APBA2: variants seen among roughly 807,000 people sequenced by gnomAD.
APBA2 encodes amyloid beta precursor protein binding family A member 2, also known as amyloid-beta A4 precursor protein-binding family A member 2.
A neutral mutation model predicts 75.0 loss-of-function variants in APBA2; 30 were observed. That is an observed-to-expected ratio of 0.40 (90% CI 0.30 to 0.54). The LOEUF (loss-of-function observed/expected upper bound fraction) is 0.54. Among genes scored for constraint, APBA2 ranks in the 20% least tolerant of loss-of-function variants. The pLI, the probability that APBA2 is intolerant of heterozygous loss-of-function variation, is 0.49. For synonymous variants in APBA2, 444 were observed against 409.6 expected, an observed-to-expected ratio of 1.08 and a Z score of -1.01; for missense variants, 801 against 1,016.1, an observed-to-expected ratio of 0.79 and a Z score of 2.88.
chr15:29,113,783 T>C (rs2044878069), intron 13 of APBA2, 93 bp from the exon 14 acceptor site: 1 of 1,546,304 alleles, frequency 6.5e-7, no homozygotes, highest in East Asian at 2.3e-5. Flanking sequence ...CATGTGGCGC[T>C]TTTCCCTCTG....
intron 3 of APBA2, among the ~76,000 whole-genome samples, chr15:29,019,481 A>G (rs761562470): frequency 2.0e-5 from 3 of 152,234 alleles, no homozygotes; most frequent in Non-Finnish European, 4.4e-5. Flanking sequence ...TCCTCTCCCT[A>G]GAGAACCACT....
intron 6 of APBA2, among the ~76,000 whole-genome samples, chr15:29,077,759 A>G (rs1353199515): frequency 2.0e-5 from 3 of 152,258 alleles, no homozygotes; most frequent in African/African-American, 4.8e-5. Flanking sequence ...TTATGAAAAC[A>G]TAGAAAACTG....
intron 3 of APBA2, among the ~76,000 whole-genome samples, chr15:29,032,263 G>C (rs1038801179): frequency 5.9e-5 from 9 of 152,242 alleles, no homozygotes; most frequent in African/African-American, 2.2e-4. Context: ...TTGCTGGGAA[G>C]GTAATTTTTG....
intron 6 of APBA2, among the ~76,000 whole-genome samples, chr15:29,079,880 G>A (rs1329581600): frequency 1.3e-5 from 2 of 152,208 alleles, no homozygotes; most frequent in African/African-American, 4.8e-5. Flanking sequence ...TTGGGGCCTG[G>A]TGTCCACTCC....
rs138433405 is a variant in APBA2 at position 29,117,020 on chromosome 15, A to T, written c.2179-42A>T. 7.6e-4 allele frequency: 1,213 copies of T among 1,586,782 alleles called. 13 individuals carry two copies. The African/African-American group carries it at 0.014, about 19-fold the overall frequency. On this transcript the variant is annotated intron_variant, in intron 14 of 14. Transcript: ENST00000683413. The stretch of plus-strand genomic sequence containing the variant: ...TGCTTTCACCTGATTGTGGGAGGGG[A>T]GGTGGGAGGGCAGCGGCTCAGCCTC...
At chr15:29,037,960 C>T (rs1223956221) in intron 3 of APBA2, among the ~76,000 whole-genome samples, 1 of 152,178 alleles carries the variant, frequency 6.6e-6, no homozygotes, top group East Asian at 1.9e-4. Flanking sequence ...TCTCTTAATA[C>T]TGTTATAATG....
intron 1 of APBA2, among the ~76,000 whole-genome samples, chr15:28,912,509 T>C (rs560153784): frequency 1.4e-4 from 22 of 152,348 alleles, no homozygotes; most frequent in Admixed American, 5.9e-4. Flanking sequence ...GCTCTAGCTG[T>C]TGGCTACTTA....
chr15:28,919,167 G>T (rs2152665989), intron 1 of APBA2, among the ~76,000 whole-genome samples: 1 of 152,288 alleles, frequency 6.6e-6, no homozygotes, highest in South Asian at 2.1e-4. Flanking sequence ...GCCGGTTGTG[G>T]GGATTATCTG....
intron 2 of APBA2, among the ~76,000 whole-genome samples, chr15:28,969,237 G>A (rs1478910603): frequency 6.7e-6 from 1 of 149,572 alleles, no homozygotes; most frequent in Non-Finnish European, 1.5e-5. Context: ...GCTGGATCCA[G>A]TGGCACAATC....
chr15:29,042,673 T>C (rs772841590), intron 3 of APBA2, among the ~76,000 whole-genome samples: 3 of 152,258 alleles, frequency 2.0e-5, no homozygotes, highest in Non-Finnish European at 4.4e-5. Flanking sequence ...TTATTTTAAA[T>C]CTACACAGTA....
intron 3 of APBA2, among the ~76,000 whole-genome samples, chr15:29,013,059 G>A (rs1451164156): frequency 6.6e-6 from 1 of 152,082 alleles, no homozygotes; most frequent in East Asian, 1.9e-4. Context: ...TTCGTCAAGA[G>A]TTTCTAGTTG....
At chr15:29,064,014 G>T (rs1240063115) in intron 4 of APBA2, among the ~76,000 whole-genome samples, 4 of 152,126 alleles carry the variant, frequency 2.6e-5, no homozygotes, top group Admixed American at 6.5e-5. Context: ...TGTGGCTTGT[G>T]CCCTGCTGGA....
At chr15:29,085,793 C>G (rs1249818920) in intron 6 of APBA2, among the ~76,000 whole-genome samples, 1 of 152,114 alleles carries the variant, frequency 6.6e-6, no homozygotes, top group Non-Finnish European at 1.5e-5. Context: ...AGGTCTGGAA[C>G]CAGTTGGTTC....
intron 1 of APBA2, among the ~76,000 whole-genome samples, chr15:28,904,687 C>T (rs946517161): frequency 6.6e-6 from 1 of 152,162 alleles, no homozygotes; most frequent in Non-Finnish European, 1.5e-5. Context: ...ATCTGCAGCA[C>T]GCAGACTCCC....
At chr15:28,920,738 G>A (rs1385593019) in intron 1 of APBA2, among the ~76,000 whole-genome samples, 1 of 152,194 alleles carries the variant, frequency 6.6e-6, no homozygotes, top group Non-Finnish European at 1.5e-5. Context: ...CAGCTCCCTC[G>A]TTTGGTGTGG....
chr15:29,105,686 C>T (rs572680114), intron 11 of APBA2, 128 bp downstream of exon 11: 276 of 983,478 alleles, frequency 2.8e-4, no homozygotes, highest in African/African-American at 4.0e-4. Flanking sequence ...CAGTGGGGCC[C>T]GGAATGTGCA....
At chr15:28,894,551 G>T (rs1595396306) in intron 1 of APBA2, among the ~76,000 whole-genome samples, 1 of 152,146 alleles carries the variant, frequency 6.6e-6, no homozygotes, top group African/African-American at 2.4e-5. Context: ...CAGGCAAAGG[G>T]CCAGCCTGGA....
chr15:29,087,443 G>A (rs758307439), intron 6 of APBA2, among the ~76,000 whole-genome samples: 36 of 152,116 alleles, frequency 2.4e-4, no homozygotes, highest in Non-Finnish European at 5.9e-5. Context: ...CTCATTGGGT[G>A]TCTAAAGTTC....
intron 3 of APBA2, among the ~76,000 whole-genome samples, chr15:29,038,412 T>C (rs1328962021): frequency 1.3e-5 from 2 of 152,188 alleles, no homozygotes; most frequent in East Asian, 3.9e-4. Context: ...AATGGTTAGC[T>C]TTTGAAAATA....
Sources: allele counts gnomAD v4.1 joint callset (sites outside exome capture counted in the v4.1 genomes callset), GRCh38; gene constraint gnomAD v4.1.1; transcripts MANE v1.5; gene names NCBI Gene and HGNC (gene_info 2026-07-23, HGNC 2026-07-21).